Variants in SORCS1 observed in about 807,000 individuals in gnomAD.
SORCS1 encodes the protein sortilin related VPS10 domain containing receptor 1.
In SORCS1, 60 loss-of-function variants were observed where a neutral mutation model predicts 146.1. That is an observed-to-expected ratio of 0.41 (90% CI 0.33 to 0.51). The LOEUF is 0.51. Among genes scored for constraint, SORCS1 ranks in the 20% least tolerant of loss-of-function variants. SORCS1 has a pLI of 0.21. For missense variants in SORCS1, 1,352 were observed against 1,487.6 expected (o/e 0.91, Z 1.50); for synonymous variants, 637 against 584.0 (o/e 1.09, Z -1.31).
chr10:106,592,046 T>C (rs1000191666), intron 24 of SORCS1, among the ~76,000 whole-genome samples: 7 of 152,340 alleles, frequency 4.6e-5, no homozygotes, highest in African/African-American at 1.7e-4. Flanking sequence ...GGATGCCAGC[T>C]GCCATCAGGT....
intron 24 of SORCS1, among the ~76,000 whole-genome samples, chr10:106,582,344 T>C (rs1195841463): frequency 1.3e-5 from 2 of 152,172 alleles, no homozygotes; most frequent in Admixed American, 6.5e-5. Flanking sequence ...GTGTTATCCA[T>C]TCACCCTCCC....
intron 19 of SORCS1, among the ~76,000 whole-genome samples, chr10:106,625,140 T>G (rs1376786677): frequency 6.6e-6 from 1 of 152,174 alleles, no homozygotes; most frequent in Non-Finnish European, 1.5e-5. Context: ...TTTTCTTGTT[T>G]ATAGCCCTCC....
chr10:106,911,912 A>G (rs765496314), intron 2 of SORCS1, among the ~76,000 whole-genome samples: 2 of 152,070 alleles, frequency 1.3e-5, no homozygotes, highest in Admixed American at 6.6e-5. Context: ...GGAGATCAAG[A>G]CCATCCTGGC....
intron 1 of SORCS1, among the ~76,000 whole-genome samples, chr10:107,071,630 A>G (rs115074881): frequency 4.4e-4 from 67 of 152,334 alleles, no homozygotes; most frequent in African/African-American, 1.4e-3. Flanking sequence ...AGATTAATCT[A>G]CTTCCTTGGA....
intron 2 of SORCS1, among the ~76,000 whole-genome samples, chr10:106,922,936 T>C (rs925946490): frequency 1.3e-5 from 2 of 150,410 alleles, no homozygotes; most frequent in African/African-American, 2.5e-5. Flanking sequence ...GTCCCCAGGC[T>C]GGAGTGTGGT....
At chr10:107,099,119 G>A (rs898462792) in intron 1 of SORCS1, among the ~76,000 whole-genome samples, 23 of 152,276 alleles carry the variant, frequency 1.5e-4, no homozygotes, top group Middle Eastern at 3.4e-3. Flanking sequence ...ATTCTACAGC[G>A]CTCCAGAGGA....
chr10:106,890,731 T>C (rs188901850), intron 2 of SORCS1, among the ~76,000 whole-genome samples: 1,597 of 152,276 alleles, frequency 0.01, 27 homozygotes, highest in Non-Finnish European at 0.014. Flanking sequence ...AGCCCTAACA[T>C]TGGCCCTGTT....
chr10:106,698,252 C>G (rs974135291), intron 9 of SORCS1, among the ~76,000 whole-genome samples: 4 of 152,212 alleles, frequency 2.6e-5, no homozygotes, highest in Non-Finnish European at 5.9e-5. Flanking sequence ...AAATTAGTTT[C>G]TTTCATACTG....
intron 2 of SORCS1, among the ~76,000 whole-genome samples, chr10:106,868,213 G>A (rs115163261): frequency 0.046 from 7,025 of 152,186 alleles, 202 homozygotes; most frequent in Non-Finnish European, 0.069. Context: ...AGTTCTTAGA[G>A]ATCTACAAAG....
intron 3 of SORCS1, among the ~76,000 whole-genome samples, chr10:106,822,580 G>A (rs923499321): frequency 6.6e-6 from 1 of 152,028 alleles, no homozygotes; most frequent in South Asian, 2.1e-4. Flanking sequence ...TTAATGTTCA[G>A]GAAGAAAACA....
At chr10:107,071,568 T>C (rs1962429320) in intron 1 of SORCS1, among the ~76,000 whole-genome samples, 1 of 152,194 alleles carries the variant, frequency 6.6e-6, no homozygotes, top group African/African-American at 2.4e-5. Context: ...TGTGATCTTT[T>C]CTTTGTTGAA....
At chr10:106,935,975 A>G (rs1221750466) in intron 2 of SORCS1, among the ~76,000 whole-genome samples, 2 of 152,244 alleles carry the variant, frequency 1.3e-5, no homozygotes, top group Admixed American at 1.3e-4. Flanking sequence ...AAGAACTGGT[A>G]GCCTGTAAAC....
chr10:106,878,421 T>C (rs1263478562), intron 2 of SORCS1, among the ~76,000 whole-genome samples: 1 of 151,104 alleles, frequency 6.6e-6, no homozygotes, highest in African/African-American at 2.4e-5. Flanking sequence ...GGGCGGTGAT[T>C]AGGTTATAAG....
intron 1 of SORCS1, among the ~76,000 whole-genome samples, chr10:107,046,636 G>A (rs948418107): frequency 2.0e-5 from 3 of 152,110 alleles, no homozygotes; most frequent in Admixed American, 1.3e-4. Context: ...ACGTCAGAGG[G>A]TGGGAAAAGA....
intron 2 of SORCS1, among the ~76,000 whole-genome samples, chr10:106,884,794 T>A (rs951765952): frequency 5.3e-5 from 8 of 152,058 alleles, no homozygotes; most frequent in Non-Finnish European, 1.0e-4. Context: ...ATAGTTAGAA[T>A]TTTTTTTCAT....
chr10:106,774,478 C>G (rs902200178), intron 4 of SORCS1, among the ~76,000 whole-genome samples: 3 of 151,048 alleles, frequency 2.0e-5, no homozygotes, highest in African/African-American at 7.3e-5. Context: ...CTAGCTATAA[C>G]AAATTTTAGT....
chr10:106,706,643 T>TA lies in SORCS1; in HGVS notation c.1144-10dup, dbSNP rs1564880889. 1.9e-6 allele frequency: 3 copies of TA among 1,613,710 alleles called. No individual in the cohort carries two copies. In the South Asian group the frequency reaches 3.3e-5, roughly 18 times the overall value. On this transcript the variant is annotated splice_polypyrimidine_tract_variant and intron_variant, in intron 7 of 25. Transcript: ENST00000263054. ...CGCCCTCCTGATGTCAGCTGGATCA[T>TA]AAAAACAAGACTGTAAGAAGCTCGA... is the stretch of plus-strand genomic sequence containing the variant.
chr10:106,581,044 G>A (rs1844873647), intron 24 of SORCS1, among the ~76,000 whole-genome samples: 1 of 152,158 alleles, frequency 6.6e-6, no homozygotes, highest in Non-Finnish European at 1.5e-5. Context: ...TTTTCTTTTG[G>A]TTCAAAATTA....
chr10:106,758,628 A>G (rs1858842932), intron 5 of SORCS1, among the ~76,000 whole-genome samples: 1 of 152,180 alleles, frequency 6.6e-6, no homozygotes, highest in Non-Finnish European at 1.5e-5. Flanking sequence ...CCAAAAAGGG[A>G]GAGAATGAAA....
Sources: gnomAD v4.1 joint callset for allele counts (sites outside exome capture counted in the v4.1 genomes callset) on GRCh38, gnomAD v4.1.1 for gene constraint, MANE v1.5 for transcripts, NCBI Gene and HGNC (gene_info 2026-07-23, HGNC 2026-07-21) for gene names.